Variants in GAB2 observed in about 807,000 individuals in gnomAD.
GAB2 encodes the protein GRB2 associated binding protein 2, also known as GRB2-associated-binding protein 2.
A neutral mutation model predicts 65.5 loss-of-function variants in GAB2; 26 were observed. That is an observed-to-expected ratio of 0.40 (90% CI 0.29 to 0.55). The LOEUF is 0.55. Among genes scored for constraint, GAB2 ranks in the 20% least tolerant of loss-of-function variants. The probability of loss-of-function intolerance (pLI) is 0.53; values close to 1 mark genes in which losing one functional copy is unlikely to be tolerated. For missense variants in GAB2, 884 were observed against 875.8 expected, an observed-to-expected ratio of 1.01 and a Z score of -0.12; for synonymous variants, 321 against 329.6, an observed-to-expected ratio of 0.97 and a Z score of 0.28.
At chr11:78,300,590 A>G (rs1255208065) in intron 1 of GAB2, among the ~76,000 whole-genome samples, 1 of 151,102 alleles carries the variant, frequency 6.6e-6, no homozygotes, top group African/African-American at 2.4e-5. Flanking sequence ...TCCTATCAAC[A>G]ACGTATGAGA....
intron 1 of GAB2, 55 bp from the exon 2 acceptor site, chr11:78,280,956 A>C: frequency 2.7e-6 from 4 of 1,470,528 alleles, no homozygotes; most frequent in Non-Finnish European, 2.8e-6. Flanking sequence ...TAGTTATTTC[A>C]AAGCTTTTTT....
Position 78,242,282 on chromosome 11 carries a change from C to T in GAB2, c.620+7875G>A, listed in dbSNP as rs554913785. Reference sequence around the variant, plus strand: ...CTTTGAGAGGCCAAGGTGGGCGGATCACGAGGTCAGGAGATCGAGACCAAC... The same window carrying T: ...CTTTGAGAGGCCAAGGTGGGCGGATTACGAGGTCAGGAGATCGAGACCAAC... On this transcript the variant is annotated intron_variant, in intron 3 of 9. Transcript: ENST00000361507. Among the ~76,000 whole-genome samples, 120 of 152,116 alleles carry T rather than the reference C, an allele frequency of 7.9e-4. 1 individual carries two copies. Among genetic ancestry groups the T allele is most frequent in the Admixed American group, 2.7e-3 (41 of 15,282 alleles).
At chr11:78,287,975 G>C (rs1342571283) in intron 1 of GAB2, among the ~76,000 whole-genome samples, 1 of 151,826 alleles carries the variant, frequency 6.6e-6, no homozygotes, top group Non-Finnish European at 1.5e-5. Flanking sequence ...TCAACATATT[G>C]CTGGAAGTTC....
In GAB2 at chr11:78,282,959, G is replaced by T. The variant is rs1031290618; in HGVS notation, c.76-2058C>A. Reference sequence around the variant, plus strand: ...TATTTACCCAGCAAACCCCAGCTAAGTCTAATGCTCTGCCAACTCTACCTG... The same window carrying T: ...TATTTACCCAGCAAACCCCAGCTAATTCTAATGCTCTGCCAACTCTACCTG... On this transcript the variant is annotated intron_variant, in intron 1 of 9. Coordinates refer to ENST00000361507, the MANE Select transcript of GAB2 (RefSeq NM_080491.3). Among the ~76,000 whole-genome samples the T allele has an allele frequency of 1.1e-4, 17 of 152,130 alleles. 1 individual carries two copies. Among genetic ancestry groups the T allele is most frequent in the Admixed American group, 2.0e-4 (3 of 15,272 alleles).
rs1181909691 is a variant in GAB2, at chr11:78,339,114, T to G, written c.76-58213A>C. 3.3e-5 allele frequency among the ~76,000 whole-genome samples: 5 copies of G among 151,968 alleles called. No homozygotes were observed. The East Asian group carries it at 5.8e-4, about 18-fold the overall frequency. On this transcript the variant is annotated intron_variant, in intron 1 of 9. Coordinates refer to ENST00000361507, the MANE Select transcript of GAB2 (RefSeq NM_080491.3). ...ATTTTTTTTTTATTTTTAGTAGAGATAGGGATTTGCCATGTTGGCCAGGCT... is the reference window on the plus strand; with the variant it reads ...ATTTTTTTTTTATTTTTAGTAGAGAGAGGGATTTGCCATGTTGGCCAGGCT...
chr11:78,254,575 G>A (rs985713171), intron 2 of GAB2, among the ~76,000 whole-genome samples: 2 of 152,188 alleles, frequency 1.3e-5, no homozygotes, highest in African/African-American at 4.8e-5. Context: ...CAAGACAGGA[G>A]GGTTGCTTGA....
intron 1 of GAB2, among the ~76,000 whole-genome samples, chr11:78,335,545 C>G (rs913797539): frequency 6.6e-6 from 1 of 152,154 alleles, no homozygotes; most frequent in Admixed American, 6.5e-5. Flanking sequence ...AAAATGAGTT[C>G]ACTGTAGGTA....
chr11:78,328,459 TA>T (rs1174329970), intron 1 of GAB2, among the ~76,000 whole-genome samples: 1 of 152,102 alleles, frequency 6.6e-6, no homozygotes, highest in Admixed American at 6.6e-5. Flanking sequence ...AAAAGTCTAT[TA>T]AAAATGACAT....
chr11:78,338,971 G>A (rs1300429052), intron 1 of GAB2, among the ~76,000 whole-genome samples: 1 of 152,008 alleles, frequency 6.6e-6, no homozygotes, highest in Non-Finnish European at 1.5e-5. Flanking sequence ...TGCCCAGGCT[G>A]GAGTGCAGTG....
chr11:78,414,964 C>T (rs550292207), intron 1 of GAB2, among the ~76,000 whole-genome samples: 9 of 152,226 alleles, frequency 5.9e-5, no homozygotes, highest in South Asian at 2.1e-4. Context: ...CTCAGCCTCC[C>T]GGGCTCACGC....
intron 2 of GAB2, among the ~76,000 whole-genome samples, chr11:78,260,371 T>C (rs1392704927): frequency 2.6e-5 from 4 of 152,238 alleles, no homozygotes; most frequent in Non-Finnish European, 4.4e-5. Context: ...ACAGCACAGT[T>C]CCTGGTCACA....
chr11:78,236,659 A>G (rs1864990061), intron 3 of GAB2, among the ~76,000 whole-genome samples: 15 of 152,150 alleles, frequency 9.9e-5, no homozygotes, highest in Admixed American at 9.8e-4. Flanking sequence ...GTTTGCTAAG[A>G]AATACTTTTT....
chr11:78,381,047 C>CTTAAA lies in GAB2; in HGVS notation c.75+36598_75+36599insTTTAA, dbSNP rs201466696. 6.0e-3 allele frequency among the ~76,000 whole-genome samples: 919 copies of CTTAAA among 152,302 alleles called. 17 individuals carry two copies. The highest frequency in any genetic ancestry group is 0.021 in the African/African-American group (878 of 41,574). On this transcript the variant is annotated intron_variant, in intron 1 of 9. Coordinates refer to ENST00000361507, the MANE Select transcript of GAB2 (RefSeq NM_080491.3). ...AGTCAGTGTCTCCCAGGTGGCCATA[C>CTTAAA]TTAAGCTTTGTACTCAAATAGACTC...
rs376655505 is a variant in GAB2, at chr11:78,345,402, C to A, written c.76-64501G>T. On this transcript the variant is annotated intron_variant, in intron 1 of 9. Transcript: ENST00000361507. ...ACCTGGCTTTAGAAAGGCAATCCTG[C>A]GAAGGTTTAGGAATTTAGTTGAGAA... Among the ~76,000 whole-genome samples, 15 of 152,172 alleles carry A rather than the reference C, an allele frequency of 9.9e-5. No individual in the cohort carries two copies. The South Asian group carries it at 2.9e-3, about 29-fold the overall frequency.
intron 1 of GAB2, among the ~76,000 whole-genome samples, chr11:78,392,826 TC>T (rs1204960542): frequency 6.6e-6 from 1 of 152,218 alleles, no homozygotes; most frequent in Non-Finnish European, 1.5e-5. Context: ...ACTCTTCACA[TC>T]CCAGCTCAAT....
At position 78,226,767 on chromosome 11, in the gene GAB2, A is replaced by C; in HGVS notation, c.905T>G (p.Leu302Arg). 6.2e-7 allele frequency: 1 copy of C among 1,614,064 alleles called. No individual in the cohort carries two copies. The highest frequency in any genetic ancestry group is 1.3e-5 in the African/African-American group (1 of 75,008). The change falls in exon 4 of 10, where the codon CTG becomes CGG. Residue 302 changes from leucine (L) to arginine (R), a missense_variant. Physicochemically the swap from Leu to Arg is moderately radical, Grantham distance 102 (BLOSUM62 -2). Transcript: ENST00000361507. ...VYTFKTPSNTLCREFGDLLVD... is the reference protein window; with the variant it reads ...VYTFKTPSNTRCREFGDLLVD... ...CAGGAGGTCCCCGAACTCCCTGCAC[A>C]GGGTGTTGCTGGGCGTCTTGAAGGT...
chr11:78,276,951 A>G (rs1016300787), intron 2 of GAB2, among the ~76,000 whole-genome samples: 10 of 152,050 alleles, frequency 6.6e-5, no homozygotes, highest in African/African-American at 1.9e-4. Context: ...CCGAGTAGCT[A>G]GGACTACAGT....
chr11:78,399,621 C>T (rs1856944774), intron 1 of GAB2, among the ~76,000 whole-genome samples: 1 of 152,206 alleles, frequency 6.6e-6, no homozygotes, highest in African/African-American at 2.4e-5. Flanking sequence ...TGCTACCCAG[C>T]TTGAGAATTT....
chr11:78,328,132 A>G (rs1193925756), intron 1 of GAB2, among the ~76,000 whole-genome samples: 1 of 152,158 alleles, frequency 6.6e-6, no homozygotes, highest in African/African-American at 2.4e-5. Flanking sequence ...CCCTTCCCTG[A>G]GCAAGATTCC....
Sources: allele counts gnomAD v4.1 joint callset (sites outside exome capture counted in the v4.1 genomes callset), GRCh38; gene constraint gnomAD v4.1.1; transcripts MANE v1.5; gene names NCBI Gene and HGNC (gene_info 2026-07-23, HGNC 2026-07-21).